The following VWA7 variants were observed in gnomAD, a reference collection of about 807,000 sequenced individuals.
The protein encoded by VWA7 is von Willebrand factor A domain containing 7.
In VWA7, 66 loss-of-function variants were observed where a neutral mutation model predicts 83.1. That is an observed-to-expected ratio of 0.79 (90% CI 0.65 to 0.98). The LOEUF is 0.98. VWA7 is among the 50% of genes least tolerant of loss of function. The pLI is 0.00. For missense variants in VWA7, 1,080 were observed against 1,160.2 expected, an observed-to-expected ratio of 0.93 and a Z score of 1.00; for synonymous variants, 424 against 488.5, an observed-to-expected ratio of 0.87 and a Z score of 1.74.
chr6:31,775,847 G>A lies in VWA7; in HGVS notation c.513+117C>T. ...CAGCCTCGGGGCACCGCGTGCCAGT[G>A]CCCACCCCTTCCAGAGTGGAGGAGA... On this transcript the variant is annotated intron_variant, in intron 3 of 16. Coordinates refer to ENST00000375688, the MANE Select transcript of VWA7 (RefSeq NM_025258.3). The surrounding 1 kb of genome is among the most constrained non-coding windows in gnomAD (Gnocchi z 5.9). 1 of 1,469,852 alleles carries A rather than the reference G, an allele frequency of 6.8e-7. No homozygotes were observed. Among genetic ancestry groups the A allele is most frequent in the Non-Finnish European group, 9.1e-7 (1 of 1,104,148 alleles). 91.1% of individuals were successfully genotyped at this position (1,469,852 alleles called of 1,614,324 possible).
intron 11 of VWA7, 49 bp downstream of exon 11, chr6:31,767,573 C>T (rs371710904): frequency 8.1e-6 from 13 of 1,599,150 alleles, no homozygotes; most frequent in African/African-American, 8.0e-5. Flanking sequence ...TACATCCCCT[C>T]GATTGTCTAT....
Position 31,776,620 on chromosome 6 carries a change from G to A in VWA7, c.160C>T (p.Leu54Phe). Reference protein sequence around the residue: ...THQDLTEEAALNVTLQLFLEQ... With the variant: ...THQDLTEEAAFNVTLQLFLEQ... ...AGGAAGAGCTGCAGGGTGACGTTGA[G>A]CGCTGCCTCCTCAGTTAGGTCTTGG... Residue 54 changes from leucine (L) to phenylalanine (F), a missense_variant, in exon 2 of 17, where the codon CTC (leucine) becomes TTC (phenylalanine). Transcript: ENST00000375688. The surrounding 1 kb of genome is among the most constrained non-coding windows in gnomAD (Gnocchi z 6.2). 1 of 1,549,430 alleles carries A rather than the reference G, an allele frequency of 6.5e-7. No homozygotes were observed. Among genetic ancestry groups the A allele is most frequent in the Admixed American group, 2.0e-5 (1 of 50,738 alleles).
Position 31,767,483 on chromosome 6 carries a change from A to C in VWA7, c.1668T>G (p.Gly556=). ...CAAAGCGGCGAGTGTGACCTAGAGG[A>C]CCCCCGCCTTCCTCCTGGCCCTGGG... ...GVSQGQEEGG[G]PLGHTRRFGQ... is the part of the protein sequence containing the mutation. Residue 556 remains glycine, a synonymous_variant, in exon 12 of 17, where the codon GGT becomes GGG. Transcript: ENST00000375688. 1 of 1,610,714 alleles carries C rather than the reference A, an allele frequency of 6.2e-7. No homozygotes were observed. The highest frequency in any genetic ancestry group is 8.5e-7 in the Non-Finnish European group (1 of 1,178,240).
intron 7 of VWA7, among the ~76,000 whole-genome samples, 192 bp from the exon 8 acceptor site, chr6:31,770,305 G>T (rs573672530): frequency 1.3e-5 from 2 of 152,090 alleles, no homozygotes; most frequent in African/African-American, 2.4e-5. Context: ...ATTTTGGGAG[G>T]CCAAGGTGGG....
chr6:31,774,828 A>G (rs1812539094), intron 4 of VWA7, among the ~76,000 whole-genome samples: 1 of 152,124 alleles, frequency 6.6e-6, no homozygotes, highest in Non-Finnish European at 1.5e-5. Context: ...TGTGCTGGAA[A>G]ACACAGCACA....
chr6:31,773,840 C>T lies in VWA7; in HGVS notation c.722-403G>A, dbSNP rs528335380. The stretch of plus-strand genomic sequence containing the variant: ...CCAGCCTGGGTGGCAGAGCAAGACT[C>T]GGTCTCAAAAAATAAATAAATAAAT... On this transcript the variant is annotated intron_variant, in intron 5 of 16. Transcript: ENST00000375688. The surrounding 1 kb of genome is among the most constrained non-coding windows in gnomAD (Gnocchi z 5.3). 2.0e-5 allele frequency among the ~76,000 whole-genome samples: 3 copies of T among 148,450 alleles called. No homozygotes were observed. The highest frequency in any genetic ancestry group is 4.5e-5 in the Non-Finnish European group (3 of 67,302).
intron 7 of VWA7, among the ~76,000 whole-genome samples, 176 bp downstream of exon 7, chr6:31,772,778 T>C (rs950419620): frequency 1.3e-5 from 2 of 151,638 alleles, no homozygotes; most frequent in Admixed American, 6.6e-5. Flanking sequence ...TTTGTATTTT[T>C]AGTAGAGACG....
chr6:31,774,387 A>ACCCTGTTC, intron 5 of VWA7, 129 bp downstream of exon 5: 1 of 876,616 alleles, frequency 1.1e-6, no homozygotes, highest in Non-Finnish European at 1.7e-6. Context: ...TCCTCCACCC[A>ACCCTGTTC]CCCTGTTCCC....
chr6:31,776,127 A>C lies in VWA7; in HGVS notation c.350T>G (p.Leu117Arg). The change falls in exon 3 of 17, where the codon CTG becomes CGG. Residue 117 changes from leucine to arginine, a missense_variant. Coordinates refer to ENST00000375688, the MANE Select transcript of VWA7 (RefSeq NM_025258.3). This position sits in a 1 kb window ranked among gnomAD's most constrained non-coding sequence, Gnocchi z 6.2. ...VSRANAAQDF[L>R]PTSRNDPDLH... Reference sequence around the variant, plus strand: ...GTCGGGGTCATTCCTGGAAGTTGGCAGGAAGTCCTGGGCTGCATTGGCACG... The same window carrying C: ...GTCGGGGTCATTCCTGGAAGTTGGCCGGAAGTCCTGGGCTGCATTGGCACG... 2 of 1,614,092 alleles carry C rather than the reference A, an allele frequency of 1.2e-6. No individual in the cohort carries two copies. Among genetic ancestry groups the C allele is most frequent in the Non-Finnish European group, 1.7e-6 (2 of 1,180,022 alleles).
chr6:31,775,356 T>A lies in VWA7; in HGVS notation c.587A>T (p.Gln196Leu). 1 of 1,612,530 alleles carries A rather than the reference T, an allele frequency of 6.2e-7. No individual in the cohort carries two copies. The highest frequency in any genetic ancestry group is 1.3e-5 in the African/African-American group (1 of 74,936). ...ACCTTGTGCCAGGTTCTGGAGCTCC[T>A]GCCTTGGCCAGAGGAGGTGAGGGTG... The part of the protein sequence containing the change: ...QPHPHLLWPR[Q>L]ELQNLAQVAD... The change falls in exon 4 of 17, where the codon CAG (glutamine) becomes CTG (leucine). Residue 196 changes from glutamine (Q) to leucine (L), a missense_variant. Physicochemically the swap from Gln to Leu is moderately radical, Grantham distance 113. Coordinates refer to ENST00000375688, the MANE Select transcript of VWA7 (RefSeq NM_025258.3). This position sits in a 1 kb window ranked among gnomAD's most constrained non-coding sequence, Gnocchi z 5.9.
Position 31,776,018 on chromosome 6 carries a change from G to A in VWA7, c.459C>T (p.Ala153=), listed in dbSNP as rs1233236147. Residue 153 remains alanine (A), a synonymous_variant, in exon 3 of 17, where the codon GCC becomes GCT. Coordinates refer to ENST00000375688, the MANE Select transcript of VWA7 (RefSeq NM_025258.3). This position sits in a 1 kb window ranked among gnomAD's most constrained non-coding sequence, Gnocchi z 6.2. The part of the protein sequence containing the change: ...ALRETVVAAR[A]LDHTLARQRL... ...GCTGGCGAGCCAGGGTGTGGTCAAG[G>A]GCCCTGGCTGCCACCACGGTCTCCC... 3.7e-6 allele frequency: 6 copies of A among 1,613,172 alleles called. No homozygotes were observed. In the African/African-American group the frequency reaches 8.0e-5, roughly 22 times the overall value.
intron 13 of VWA7, 105 bp downstream of exon 13, chr6:31,767,053 A>G (rs1272814782): frequency 2.7e-6 from 1 of 374,948 alleles, no homozygotes; most frequent in African/African-American, 2.1e-5. Flanking sequence ...ATGTATGTAT[A>G]CATATATACA....
chr6:31,770,467 T>G (rs946404714), intron 7 of VWA7, among the ~76,000 whole-genome samples: 2 of 149,326 alleles, frequency 1.3e-5, no homozygotes, highest in Admixed American at 6.7e-5. Flanking sequence ...CCTCCCCAGC[T>G]ACTGGGGAGG....
At position 31,774,607 on chromosome 6, in the gene VWA7, G is replaced by C. The variant is rs775453388; in HGVS notation, c.630C>G (p.Ser210=). The change falls in exon 5 of 17, where the codon TCC becomes TCG. Residue 210 remains serine, a synonymous_variant. Coordinates refer to ENST00000375688, the MANE Select transcript of VWA7 (RefSeq NM_025258.3). ...NLAQVADPTC[S]DCEELSCPRN... ...TGGGGCAGCTCAACTCCTCGCAATC[G>C]GAGCAGGTAGGATCGGCCACTGGGA... is the stretch of plus-strand genomic sequence containing the variant. 1 of 1,612,462 alleles carries C rather than the reference G, an allele frequency of 6.2e-7. No individual in the cohort carries two copies. The highest frequency in any genetic ancestry group is 1.7e-5 in the Admixed American group (1 of 59,968).
chr6:31,766,155 G>A lies in VWA7; in HGVS notation c.2324+90C>T. The A allele has an allele frequency of 6.3e-7, 1 of 1,593,062 alleles. No individual in the cohort carries two copies. The highest frequency in any genetic ancestry group is 8.6e-7 in the Non-Finnish European group (1 of 1,168,510). On this transcript the variant is annotated intron_variant, in intron 15 of 16. Coordinates refer to ENST00000375688, the MANE Select transcript of VWA7 (RefSeq NM_025258.3). This position sits in a 1 kb window ranked among gnomAD's most constrained non-coding sequence, Gnocchi z 4.9. Reference sequence around the variant, plus strand: ...ACGGGAGCGGAGAGGAGGATTCTGAGGGCCAGTCGGAGGGGGACAGGGGCA... The same window carrying A: ...ACGGGAGCGGAGAGGAGGATTCTGAAGGCCAGTCGGAGGGGGACAGGGGCA...
chr6:31,773,314 T>G lies in VWA7; in HGVS notation c.845A>C (p.Lys282Thr). The G allele has an allele frequency of 6.2e-7, 1 of 1,608,944 alleles. No individual in the cohort carries two copies. Among genetic ancestry groups the G allele is most frequent in the Non-Finnish European group, 8.5e-7 (1 of 1,177,956 alleles). The change falls in exon 6 of 17, where the codon AAA becomes ACA. Residue 282 changes from lysine to threonine, a missense_variant. Lys to Thr is a moderately conservative substitution (Grantham distance 78). Coordinates refer to ENST00000375688, the MANE Select transcript of VWA7 (RefSeq NM_025258.3). The surrounding 1 kb of genome is among the most constrained non-coding windows in gnomAD (Gnocchi z 5.3). ...CTGGATGGAGGCTAGAAGGGCCAGT[T>G]TTGCAGCCTGGAGGTGCAGCATGTG... is the stretch of plus-strand genomic sequence containing the variant. ...PHHMLHLQAA[K>T]LALLASIQAF...
Position 31,776,412 on chromosome 6 carries a change from G to A in VWA7, c.234+134C>T. Reference sequence around the variant, plus strand: ...GGGGGACTCCTAATTTCAGGACCAAGACTACTGGGTATTATTGCTGCAGGG... The same window carrying A: ...GGGGGACTCCTAATTTCAGGACCAAAACTACTGGGTATTATTGCTGCAGGG... On this transcript the variant is annotated intron_variant, in intron 2 of 16. Transcript: ENST00000375688. This position sits in a 1 kb window ranked among gnomAD's most constrained non-coding sequence, Gnocchi z 6.2. The A allele has an allele frequency of 8.1e-7, 1 of 1,236,148 alleles. No homozygotes were observed. Among genetic ancestry groups the A allele is most frequent in the Non-Finnish European group, 1.1e-6 (1 of 905,514 alleles). 76.6% of individuals were successfully genotyped at this position (1,236,148 alleles called of 1,614,324 possible).
intron 16 of VWA7, 47 bp downstream of exon 16, chr6:31,765,836 C>T (rs753440145): frequency 1.5e-5 from 24 of 1,605,464 alleles, no homozygotes; most frequent in Non-Finnish European, 2.0e-5. Context: ...CCTACACCAC[C>T]CTCCCCGGCC....
At chr6:31,768,905 C>T (rs1470839811) in intron 10 of VWA7, 113 bp downstream of exon 10, 8 of 1,209,046 alleles carry the variant, frequency 6.6e-6, no homozygotes, top group South Asian at 1.6e-5. Context: ...TTTCCTGCCC[C>T]GTGACTGGAA....
Sources: allele counts gnomAD v4.1 joint callset (sites outside exome capture counted in the v4.1 genomes callset), GRCh38; gene constraint gnomAD v4.1.1; non-coding constraint Gnocchi (gnomAD v3.1); transcripts MANE v1.5; gene names NCBI Gene and HGNC (gene_info 2026-07-23, HGNC 2026-07-21).